Variants in WDR49 observed in about 807,000 individuals in gnomAD.
The protein encoded by WDR49 is WD repeat domain 49, also known as cilia- and flagella-associated protein 337.
In WDR49, 107 loss-of-function variants were observed where a neutral mutation model predicts 119.5. The observed-to-expected ratio is 0.90, with a 90% CI of 0.77 to 1.05. The LOEUF (loss-of-function observed/expected upper bound fraction) is 1.05. WDR49 is among the 50% of genes least tolerant of loss of function. The probability of loss-of-function intolerance (pLI) is 0.00; values close to 1 mark genes in which losing one functional copy is unlikely to be tolerated. For missense variants in WDR49, 1,240 were observed against 1,220.5 expected (o/e 1.02, Z -0.24); for synonymous variants, 425 against 418.8 (o/e 1.01, Z -0.18).
Position 167,620,411 on chromosome 3 carries a change from A to G in WDR49, c.958+18T>C. The G allele has an allele frequency of 6.5e-7, 1 of 1,530,024 alleles. No individual in the cohort carries two copies. Among genetic ancestry groups the G allele is most frequent in the African/African-American group, 1.4e-5 (1 of 72,944 alleles). 94.8% of individuals were successfully genotyped at this position (1,530,024 alleles called of 1,614,324 possible). On this transcript the variant is annotated intron_variant, in intron 5 of 18. Transcript: ENST00000682715. ...TCAGAGGTGACCATTTACTTTCATT[A>G]CTGTTCAAATTCAATACCTTGCCTG...
chr3:167,641,225 T>C (rs1717867164), intron 2 of WDR49, among the ~76,000 whole-genome samples: 1 of 151,896 alleles, frequency 6.6e-6, no homozygotes, highest in Admixed American at 6.6e-5. Flanking sequence ...ATGAGTTATG[T>C]GTTTTTATGA....
chr3:167,566,012 C>T (rs187377770), intron 8 of WDR49, among the ~76,000 whole-genome samples: 2 of 152,100 alleles, frequency 1.3e-5, no homozygotes, highest in African/African-American at 4.8e-5. Context: ...AATTGAATCA[C>T]CCACTCTGTG....
chr3:167,536,289 T>A (rs975245636), intron 11 of WDR49, among the ~76,000 whole-genome samples: 1 of 152,146 alleles, frequency 6.6e-6, no homozygotes, highest in Non-Finnish European at 1.5e-5. Context: ...ATTACCATGA[T>A]CTGATCATTG....
chr3:167,581,983 T>C (rs1167906408), intron 7 of WDR49, among the ~76,000 whole-genome samples: 1 of 151,800 alleles, frequency 6.6e-6, no homozygotes, highest in Non-Finnish European at 1.5e-5. Flanking sequence ...CTGTTAGAGA[T>C]AGATATAAAA....
chr3:167,596,313 G>A lies in WDR49; in HGVS notation c.1275+5814C>T, dbSNP rs1197730511. Among the ~76,000 whole-genome samples, 484 of 148,796 alleles carry A rather than the reference G, an allele frequency of 3.3e-3. 3 individuals carry two copies. Among genetic ancestry groups the A allele is most frequent in the African/African-American group, 0.011 (445 of 40,756 alleles). On this transcript the variant is annotated intron_variant, in intron 7 of 18. Transcript: ENST00000682715. The stretch of plus-strand genomic sequence containing the variant: ...CAACCATTGTGGAAGTCAGTGTGGC[G>A]ATTCCTCAGGGATCTAGAACTAGAA...
At chr3:167,597,286 A>G (rs1052102131) in intron 7 of WDR49, among the ~76,000 whole-genome samples, 2 of 152,234 alleles carry the variant, frequency 1.3e-5, no homozygotes, top group African/African-American at 2.4e-5. Flanking sequence ...GGCAGCTTCC[A>G]CATGGTGTTG....
At chr3:167,598,961 C>T (rs1715631073) in intron 7 of WDR49, among the ~76,000 whole-genome samples, 1 of 152,148 alleles carries the variant, frequency 6.6e-6, no homozygotes, top group Non-Finnish European at 1.5e-5. Context: ...TATTCTGAAC[C>T]ACTTGGGGCT....
At chr3:167,619,712 C>T (rs375188418) in intron 5 of WDR49, among the ~76,000 whole-genome samples, 2 of 152,062 alleles carry the variant, frequency 1.3e-5, no homozygotes, top group East Asian at 3.9e-4. Context: ...TTTCAGTGGG[C>T]ATTCTTTAGT....
chr3:167,606,883 T>G (rs1236507009), intron 5 of WDR49, among the ~76,000 whole-genome samples: 1 of 152,226 alleles, frequency 6.6e-6, no homozygotes, highest in African/African-American at 2.4e-5. Context: ...AAAATTCATC[T>G]GATCATAGAT....
chr3:167,501,248 G>A (rs971235851), intron 17 of WDR49, among the ~76,000 whole-genome samples: 6 of 152,174 alleles, frequency 3.9e-5, no homozygotes, highest in Non-Finnish European at 8.8e-5. Context: ...AACATGTAAG[G>A]TATCGTGCCA....
rs181295054 is a variant in WDR49, at chr3:167,480,925, A to C, written c.3032-1929T>G. Among the ~76,000 whole-genome samples the C allele has an allele frequency of 3.3e-4, 51 of 152,296 alleles. 1 individual carries two copies. The highest frequency in any genetic ancestry group is 2.3e-3 in the Admixed American group (35 of 15,294). ...CTGGGACCTGGTTTGGATCGGTGAAATAGATGAGTCAGGGCTACCTGTATC... is the reference window on the plus strand; with the variant it reads ...CTGGGACCTGGTTTGGATCGGTGAACTAGATGAGTCAGGGCTACCTGTATC... On this transcript the variant is annotated intron_variant, in intron 18 of 18. Coordinates refer to ENST00000682715, the MANE Select transcript of WDR49 (RefSeq NM_001366157.1).
intron 7 of WDR49, among the ~76,000 whole-genome samples, chr3:167,582,350 A>C (rs1306782170): frequency 6.6e-6 from 1 of 152,166 alleles, no homozygotes; most frequent in African/African-American, 2.4e-5. Context: ...TTTTTATCTT[A>C]AAGTCATATA....
At chr3:167,532,209 T>A (rs1374956369) in intron 12 of WDR49, among the ~76,000 whole-genome samples, 1 of 152,186 alleles carries the variant, frequency 6.6e-6, no homozygotes, top group African/African-American at 2.4e-5. Flanking sequence ...TCAGCCTCTA[T>A]GAGTTTATTC....
chr3:167,532,363 A>G (rs997384467), intron 12 of WDR49, among the ~76,000 whole-genome samples: 1 of 152,174 alleles, frequency 6.6e-6, no homozygotes, highest in Non-Finnish European at 1.5e-5. Context: ...ACTTAAGTAT[A>G]AAATATTCAT....
At chr3:167,552,370 A>G (rs567427175) in intron 10 of WDR49, among the ~76,000 whole-genome samples, 5 of 152,186 alleles carry the variant, frequency 3.3e-5, no homozygotes, top group African/African-American at 1.2e-4. Context: ...AGGCTGTGGC[A>G]TTCATCCAAG....
rs918281378 is a variant in WDR49, at chr3:167,620,385, G to A, written c.958+44C>T. On this transcript the variant is annotated intron_variant, in intron 5 of 18. Coordinates refer to ENST00000682715, the MANE Select transcript of WDR49 (RefSeq NM_001366157.1). ...TTCATCAAAGAATATAAATGTACAAGTCAGAGGTGACCATTTACTTTCATT... is the reference window on the plus strand; with the variant it reads ...TTCATCAAAGAATATAAATGTACAAATCAGAGGTGACCATTTACTTTCATT... 85 of 1,505,800 alleles carry A rather than the reference G, an allele frequency of 5.6e-5. No homozygotes were observed. In the Middle Eastern group the frequency reaches 8.5e-4, roughly 15 times the overall value. The allele number at this position is 1,505,800 out of a possible 1,614,324, so 93.3% of individuals were successfully genotyped here. A position where few individuals can be genotyped will look rare whatever the true frequency, so the allele number is the denominator to read the frequency against.
chr3:167,612,003 A>G (rs922839543), intron 5 of WDR49, among the ~76,000 whole-genome samples: 1 of 152,204 alleles, frequency 6.6e-6, no homozygotes, highest in African/African-American at 2.4e-5. Context: ...ATATTTACAC[A>G]ATATTCCATC....
intron 16 of WDR49, among the ~76,000 whole-genome samples, chr3:167,509,378 T>C (rs1210090601): frequency 6.6e-6 from 1 of 152,188 alleles, no homozygotes; most frequent in Non-Finnish European, 1.5e-5. Flanking sequence ...CTGGGATGTG[T>C]TTCTCTTAAA....
At chr3:167,641,066 T>C (rs191194123) in intron 2 of WDR49, among the ~76,000 whole-genome samples, 2 of 151,898 alleles carry the variant, frequency 1.3e-5, no homozygotes, top group African/African-American at 4.8e-5. Context: ...GTTAATCTGA[T>C]AGAGAACAGA....
Sources: gnomAD v4.1 joint callset for allele counts (sites outside exome capture counted in the v4.1 genomes callset) on GRCh38, gnomAD v4.1.1 for gene constraint, MANE v1.5 for transcripts, NCBI Gene and HGNC (gene_info 2026-07-23, HGNC 2026-07-21) for gene names.